The following ANKRD26 variants were observed in gnomAD, a reference collection of about 807,000 sequenced individuals.
ANKRD26 encodes the protein ankyrin repeat domain-containing protein 26.
Under a neutral mutation model 208.7 loss-of-function variants are expected in ANKRD26, and 141 were observed. The observed-to-expected ratio is 0.68, with a 90% CI of 0.59 to 0.78. The LOEUF (loss-of-function observed/expected upper bound fraction) is 0.78, where lower values mean the gene tolerates loss of function less well. Ranked by LOEUF, ANKRD26 falls within the 30% of genes least tolerant of loss-of-function variation. The probability of loss-of-function intolerance (pLI) is 0.00; values close to 1 mark genes in which losing one functional copy is unlikely to be tolerated. For missense variants in ANKRD26, 1,889 were observed against 1,938.7 expected, an observed-to-expected ratio of 0.97 and a Z score of 0.48; for synonymous variants, 636 against 660.4, an observed-to-expected ratio of 0.96 and a Z score of 0.57.
chr10:27,042,788 C>CA (rs1275962995), intron 20 of ANKRD26, among the ~76,000 whole-genome samples: 3 of 53,634 alleles, frequency 5.6e-5, no homozygotes, highest in East Asian at 5.0e-4. Flanking sequence ...AAAAAACAAA[C>CA]AAAAAAATAC....
downstream of ANKRD26, among the ~76,000 whole-genome samples, chr10:26,973,360 T>C (rs2052176937): frequency 6.6e-6 from 1 of 152,120 alleles, no homozygotes; most frequent in Admixed American, 6.5e-5. Flanking sequence ...TACCTACTTT[T>C]TCCCTAATGA....
chr10:27,077,758 G>C, intron 7 of ANKRD26, 65 bp from the exon 8 acceptor site: 2 of 1,334,666 alleles, frequency 1.5e-6, no homozygotes, highest in Non-Finnish European at 2.1e-6. Context: ...TAAAATAATC[G>C]TAATAGATAG....
At chr10:27,054,459 C>A (rs756040052) in intron 15 of ANKRD26, among the ~76,000 whole-genome samples, 3 of 152,010 alleles carry the variant, frequency 2.0e-5, no homozygotes, top group African/African-American at 4.8e-5. Flanking sequence ...GTGGTGTGTG[C>A]CTGTGATCCC....
chr10:27,097,175 T>C (rs961924205), intron 1 of ANKRD26, among the ~76,000 whole-genome samples: 2 of 144,590 alleles, frequency 1.4e-5, no homozygotes, highest in African/African-American at 2.6e-5. Context: ...AAGCGAGACT[T>C]CACCTCAAAA....
At chr10:27,022,430 T>C in intron 29 of ANKRD26, 128 bp downstream of exon 29, 1 of 704,460 alleles carries the variant, frequency 1.4e-6, no homozygotes, top group Non-Finnish European at 2.2e-6. Context: ...TTAAAAAAAG[T>C]TTTTTTATTA....
chr10:26,968,830 CATT>C (rs1463720253), downstream of ANKRD26, among the ~76,000 whole-genome samples: 2 of 152,154 alleles, frequency 1.3e-5, no homozygotes, highest in East Asian at 3.8e-4. Flanking sequence ...TGCTGTAATA[CATT>C]ATTACTTTTA....
intron 25 of ANKRD26, among the ~76,000 whole-genome samples, chr10:27,032,639 AAAAAAAC>A (rs1204935768): frequency 6.6e-6 from 1 of 151,548 alleles, no homozygotes; most frequent in Non-Finnish European, 1.5e-5. Context: ...CTGTCTCAAA[AAAAAAAC>A]AAAAAACAAA....
At chr10:27,081,885 C>G (rs138062749) in intron 6 of ANKRD26, among the ~76,000 whole-genome samples, 2 of 151,566 alleles carry the variant, frequency 1.3e-5, no homozygotes, top group Non-Finnish European at 2.9e-5. Flanking sequence ...TATAGGCGTG[C>G]GCCACCACGC....
Position 27,028,945 on chromosome 10 carries a change from C to G in ANKRD26, c.3879G>C (p.Lys1293Asn), listed in dbSNP as rs1180786289. 6.2e-7 allele frequency: 1 copy of G among 1,602,382 alleles called. No homozygotes were observed. Among genetic ancestry groups the G allele is most frequent in the Non-Finnish European group, 8.5e-7 (1 of 1,171,356 alleles). ...TTAACTTGGCATTATCTTTTTCAAG[C>G]CTGAAATGTATATTTTAAAATAATT... ...CAEKMQDHKQ[K>N]LEKDNAKLKV... Residue 1293 changes from lysine to asparagine, a missense_variant and splice_region_variant, in exon 27 of 34, where the codon AAG becomes AAC. Around this residue, in one of 3 missense-constraint regions of ANKRD26, gnomAD observed 613 missense variants for 648.2 expected, o/e 0.95. Transcript: ENST00000376087.
downstream of ANKRD26, among the ~76,000 whole-genome samples, chr10:26,988,286 T>G (rs989841894): frequency 6.6e-6 from 1 of 152,190 alleles, no homozygotes; most frequent in Non-Finnish European, 1.5e-5. Context: ...CTCAGTTCTT[T>G]GATGGAGATA....
At chr10:26,998,766 G>A (rs1298026360) in intron 4 of ANKRD26, among the ~76,000 whole-genome samples, 1 of 152,196 alleles carries the variant, frequency 6.6e-6, no homozygotes, top group Middle Eastern at 3.2e-3. Flanking sequence ...CCAGATGAGA[G>A]GGTGCCATTG....
At chr10:26,973,454 TC>T (rs1380238052), downstream of ANKRD26, among the ~76,000 whole-genome samples, 1 of 151,554 alleles carries the variant, frequency 6.6e-6, no homozygotes, top group Admixed American at 6.6e-5. Flanking sequence ...TATATATCTT[TC>T]CTTTTTTTTT....
chr10:26,955,317 A>T, the ANKRD26 span, among the ~76,000 whole-genome samples: 1 of 151,920 alleles, frequency 6.6e-6, no homozygotes, highest in African/African-American at 2.4e-5. Flanking sequence ...AATCCCAGCT[A>T]CTTGGGAGGC....
In ANKRD26 at chr10:27,050,219, C is replaced by CAAAAAAAAAAAAAAAA. The variant is rs67384671; in HGVS notation, c.1636-1256_1636-1241dup. 7.0e-4 allele frequency among the ~76,000 whole-genome samples: 23 copies of CAAAAAAAAAAAAAAAA among 33,040 alleles called. 1 individual carries two copies. Among genetic ancestry groups the CAAAAAAAAAAAAAAAA allele is most frequent in the Non-Finnish European group, 1.0e-3 (17 of 16,954 alleles). The allele number at this position is 33,040 out of a possible 152,430, so 21.7% of individuals were successfully genotyped here. A position where few individuals can be genotyped will look rare whatever the true frequency, so the allele number is the denominator to read the frequency against. ...TGGGCAATAGAGTAAGAATCTGTCT[C>CAAAAAAAAAAAAAAAA]AAAAAAAAAAAAAAAAAAAAAAAAA... is the stretch of plus-strand genomic sequence containing the variant. On this transcript the variant is annotated intron_variant, in intron 16 of 33. Transcript: ENST00000376087.
At position 27,060,149 on chromosome 10, in the gene ANKRD26, G is replaced by C. The variant is rs538788816; in HGVS notation, c.1564+196C>G. On this transcript the variant is annotated intron_variant, in intron 15 of 33. Coordinates refer to ENST00000376087, the MANE Select transcript of ANKRD26 (RefSeq NM_014915.3). ...ACCTGGGAGGCGGAGGTTGCAGTGA[G>C]CCGAGATCACGCCACTGCATTCTAG... 2.6e-5 allele frequency among the ~76,000 whole-genome samples: 4 copies of C among 152,294 alleles called. No homozygotes were observed. The South Asian group carries it at 8.3e-4, about 32-fold the overall frequency.
At chr10:27,074,132 TC>T (rs1332312856) in intron 9 of ANKRD26, among the ~76,000 whole-genome samples, 2 of 151,842 alleles carry the variant, frequency 1.3e-5, no homozygotes, top group African/African-American at 4.8e-5. Context: ...CATTCTATAA[TC>T]CCCCTAAAAG....
chr10:27,061,687 C>A (rs2055063583), intron 12 of ANKRD26, among the ~76,000 whole-genome samples: 1 of 151,646 alleles, frequency 6.6e-6, no homozygotes, highest in Non-Finnish European at 1.5e-5. Flanking sequence ...CTGCCTTAGC[C>A]TCCTGAACAG....
At chr10:26,980,978 C>T (rs1277579024) in intron 4 of ANKRD26, among the ~76,000 whole-genome samples, 1 of 152,160 alleles carries the variant, frequency 6.6e-6, no homozygotes, top group African/African-American at 2.4e-5. Context: ...CAGTCTTCCC[C>T]CTTTTTGCTA....
chr10:27,099,815 C>T (rs2056588141), intron 1 of ANKRD26, among the ~76,000 whole-genome samples: 1 of 152,212 alleles, frequency 6.6e-6, no homozygotes, highest in Admixed American at 6.5e-5. Flanking sequence ...AAACGCTGTA[C>T]GTGCTTTTGT....
Sources: allele counts gnomAD v4.1 joint callset (sites outside exome capture counted in the v4.1 genomes callset), GRCh38; gene constraint gnomAD v4.1.1; regional missense constraint gnomAD v4.1.1; transcripts MANE v1.5; gene names NCBI Gene and HGNC (gene_info 2026-07-23, HGNC 2026-07-21).